Variants in GRAMD1B observed in about 807,000 individuals in gnomAD.
GRAMD1B encodes the protein protein Aster-B.
Under a neutral mutation model 99.7 loss-of-function variants are expected in GRAMD1B, and 37 were observed. The ratio of observed to expected loss-of-function variants is 0.37; its 90% confidence interval spans 0.29 to 0.49. The LOEUF is 0.49. Among genes scored for constraint, GRAMD1B ranks in the 20% least tolerant of loss-of-function variants. GRAMD1B has a pLI of 0.98. For missense variants in GRAMD1B, 888 were observed against 1,009.2 expected, an observed-to-expected ratio of 0.88 and a Z score of 1.63; for synonymous variants, 427 against 387.6, an observed-to-expected ratio of 1.10 and a Z score of -1.19.
chr11:123,411,804 T>C (rs759010705), intron 1 of GRAMD1B, among the ~76,000 whole-genome samples: 2 of 152,082 alleles, frequency 1.3e-5, no homozygotes, highest in Non-Finnish European at 2.9e-5. Flanking sequence ...TGCACCACCA[T>C]GCTTGGGTAA....
chr11:123,421,957 C>G (rs775211698), intron 1 of GRAMD1B, among the ~76,000 whole-genome samples: 1 of 152,184 alleles, frequency 6.6e-6, no homozygotes, highest in Non-Finnish European at 1.5e-5. Flanking sequence ...TTTTTTAAAT[C>G]TGTATTTTCA....
intron 2 of GRAMD1B, chr11:123,560,162 A>C: frequency 1.0e-6 from 1 of 999,268 alleles, no homozygotes; most frequent in South Asian, 4.2e-5. Flanking sequence ...CATTATGTAA[A>C]CCGGCAGGCG....
At chr11:123,619,762 T>C (rs1011685055) in intron 19 of GRAMD1B, among the ~76,000 whole-genome samples, 1 of 152,210 alleles carries the variant, frequency 6.6e-6, no homozygotes, top group South Asian at 2.1e-4. Flanking sequence ...AGGCAAATCA[T>C]CCTGAGGCAA....
chr11:123,621,639 A>G (rs550562052), intron 19 of GRAMD1B, among the ~76,000 whole-genome samples: 112 of 152,350 alleles, frequency 7.4e-4, no homozygotes, highest in Admixed American at 1.4e-3. Flanking sequence ...AATAGGCAAG[A>G]GCACAAAGAT....
intron 7 of GRAMD1B, chr11:123,598,420 CA>C: frequency 1.0e-6 from 1 of 954,286 alleles, no homozygotes; most frequent in Non-Finnish European, 1.7e-6. Context: ...TCGCGTTGTA[CA>C]TTTTCATGAG....
chr11:123,460,052 G>A (rs1290830791), intron 1 of GRAMD1B: 1 of 151,872 alleles, frequency 6.6e-6, no homozygotes, highest in African/African-American at 2.4e-5. Context: ...TATAGGCCAG[G>A]AGTGTGATTG....
intron 8 of GRAMD1B, among the ~76,000 whole-genome samples, chr11:123,601,151 T>C (rs1207988620): frequency 6.6e-6 from 1 of 152,068 alleles, no homozygotes; most frequent in Non-Finnish European, 1.5e-5. Flanking sequence ...CCTGGATGAG[T>C]TATTTCCTCT....
At chr11:123,574,945 C>T (rs1592081629) in intron 2 of GRAMD1B, among the ~76,000 whole-genome samples, 1 of 152,236 alleles carries the variant, frequency 6.6e-6, no homozygotes, top group Admixed American at 6.5e-5. Flanking sequence ...TGCTTGTCAT[C>T]AGGGAGAAGT....
At chr11:123,526,078 A>G in intron 2 of GRAMD1B, 1 of 1,327,104 alleles carries the variant, frequency 7.5e-7, no homozygotes, top group Non-Finnish European at 1.1e-6. Flanking sequence ...CTTTTCCAAT[A>G]TGTCCTGGGA....
At chr11:123,501,424 G>T (rs569212613) in intron 2 of GRAMD1B, among the ~76,000 whole-genome samples, 2 of 152,216 alleles carry the variant, frequency 1.3e-5, no homozygotes, top group African/African-American at 4.8e-5. Context: ...CCCTGCCTAG[G>T]CCTCCCAAAG....
intron 2 of GRAMD1B, 51 bp downstream of exon 2, chr11:123,480,944 G>A (rs1002884783): frequency 5.0e-6 from 2 of 398,558 alleles, no homozygotes; most frequent in African/African-American, 2.1e-5. Context: ...GAGGGGGTGG[G>A]GTGGAATGTT....
chr11:123,394,830 C>T (rs1414335821), intron 1 of GRAMD1B, among the ~76,000 whole-genome samples: 3 of 152,192 alleles, frequency 2.0e-5, no homozygotes, highest in African/African-American at 7.2e-5. Flanking sequence ...GGCTTGGTCT[C>T]TGCTTCCAAG....
At chr11:123,408,176 C>T (rs754745274) in intron 1 of GRAMD1B, among the ~76,000 whole-genome samples, 6 of 152,272 alleles carry the variant, frequency 3.9e-5, no homozygotes, top group South Asian at 2.1e-4. Flanking sequence ...GTAAACTTGA[C>T]GGAATAATCA....
At chr11:123,408,754 G>A (rs1371738066) in intron 1 of GRAMD1B, among the ~76,000 whole-genome samples, 1 of 152,212 alleles carries the variant, frequency 6.6e-6, no homozygotes, top group Non-Finnish European at 1.5e-5. Context: ...ACTCTGGTAG[G>A]ACAATTTGAA....
intron 2 of GRAMD1B, among the ~76,000 whole-genome samples, chr11:123,568,849 G>C (rs1947724944): frequency 6.6e-6 from 1 of 152,228 alleles, no homozygotes; most frequent in South Asian, 2.1e-4. Flanking sequence ...CCCCTAGAAA[G>C]GGAACTGGAC....
At chr11:123,445,083 C>A (rs1949577521) in intron 1 of GRAMD1B, among the ~76,000 whole-genome samples, 1 of 152,142 alleles carries the variant, frequency 6.6e-6, no homozygotes, top group Admixed American at 6.5e-5. Context: ...AGGAAAGGAC[C>A]AAATATATTT....
intron 2 of GRAMD1B, among the ~76,000 whole-genome samples, chr11:123,532,011 A>G (rs1183176814): frequency 6.6e-6 from 1 of 152,130 alleles, no homozygotes; most frequent in African/African-American, 2.4e-5. Flanking sequence ...TGCTGGGATT[A>G]CAGGCGTGAG....
intron 2 of GRAMD1B, among the ~76,000 whole-genome samples, chr11:123,488,632 C>G (rs1312740000): frequency 6.6e-6 from 1 of 152,040 alleles, no homozygotes; most frequent in Non-Finnish European, 1.5e-5. Flanking sequence ...GGATCTTCTC[C>G]CCTCGCCACC....
At chr11:123,599,596 C>T (rs959220725) in intron 7 of GRAMD1B, 12 of 390,798 alleles carry the variant, frequency 3.1e-5, no homozygotes, top group Middle Eastern at 8.9e-4. Context: ...CCTCAGCCTC[C>T]GGAATAGCTG....
Sources: allele counts gnomAD v4.1 joint callset (sites outside exome capture counted in the v4.1 genomes callset), GRCh38; gene constraint gnomAD v4.1.1; transcripts MANE v1.5; gene names NCBI Gene and HGNC (gene_info 2026-07-23, HGNC 2026-07-21).